Variants in DISC1 observed in about 807,000 individuals in gnomAD.
DISC1 encodes the protein disrupted in schizophrenia 1 protein.
In DISC1, 57 loss-of-function variants were observed where a neutral mutation model predicts 84.5. That is an observed-to-expected ratio of 0.67 (90% CI 0.55 to 0.84). The LOEUF (loss-of-function observed/expected upper bound fraction) is 0.84, where lower values mean the gene tolerates loss of function less well. DISC1 is among the 40% of genes least tolerant of loss of function. DISC1 has a pLI of 0.00. For missense variants in DISC1, 1,000 were observed against 1,057.8 expected (o/e 0.95, Z 0.76); for synonymous variants, 411 against 415.2 (o/e 0.99, Z 0.12).
intron 3 of DISC1, chr1:231,722,846 T>A: frequency 2.1e-6 from 3 of 1,416,574 alleles, no homozygotes; most frequent in Non-Finnish European, 2.8e-6. Flanking sequence ...GTTTCTCCCA[T>A]GCGTTTCCCA....
chr1:231,929,740 TAAC>T (rs889764981), intron 9 of DISC1, among the ~76,000 whole-genome samples: 1 of 152,206 alleles, frequency 6.6e-6, no homozygotes, highest in Non-Finnish European at 1.5e-5. Flanking sequence ...TTTGAAGGAT[TAAC>T]AACCAGATAG....
intron 9 of DISC1, among the ~76,000 whole-genome samples, chr1:231,858,001 T>C (rs1351586742): frequency 6.6e-6 from 1 of 152,204 alleles, no homozygotes; most frequent in Non-Finnish European, 1.5e-5. Context: ...CCGGGTTAAA[T>C]TGCAGCTGGG....
At position 231,693,901 on chromosome 1, in the gene DISC1, G is replaced by A. The variant is rs1422363253; in HGVS notation, c.143G>A (p.Ser48Asn). Residue 48 changes from serine to asparagine, a missense_variant, in exon 2 of 13, where the codon AGC (serine) becomes AAC (asparagine). This residue lies in a region of DISC1 where 292 missense variants were observed against 280.2 expected (regional missense o/e 1.04). Coordinates refer to ENST00000439617, the MANE Select transcript of DISC1 (RefSeq NM_018662.3). ...GCACGGAGGCCGGGCTACATGAGAA[G>A]CTCGACAGGGCCTGGGATCGGGTTC... ...RLARRPGYMR[S>N]STGPGIGFLS... 6.2e-7 allele frequency: 1 copy of A among 1,614,208 alleles called. No individual in the cohort carries two copies. Among genetic ancestry groups the A allele is most frequent in the East Asian group, 2.2e-5 (1 of 44,882 alleles).
chr1:231,636,761 A>G (rs1031255658), intron 1 of DISC1, among the ~76,000 whole-genome samples: 1 of 152,182 alleles, frequency 6.6e-6, no homozygotes, highest in African/African-American at 2.4e-5. Flanking sequence ...GTATGAATTT[A>G]TATTGACACT....
At chr1:231,851,320 T>C (rs2083881750) in intron 9 of DISC1, among the ~76,000 whole-genome samples, 2 of 152,208 alleles carry the variant, frequency 1.3e-5, no homozygotes, top group South Asian at 4.1e-4. Flanking sequence ...TTCGCCGCCT[T>C]TCTCTAACTC....
intron 12 of DISC1, among the ~76,000 whole-genome samples, chr1:232,028,357 A>G (rs2807578): frequency 0.55 from 83,318 of 151,932 alleles, 24,860 homozygotes; most frequent in African/African-American, 0.8. Flanking sequence ...AGGGTTCTGT[A>G]CTGGTCTCTT....
chr1:231,930,239 G>C (rs1056651001), intron 9 of DISC1, among the ~76,000 whole-genome samples: 20 of 152,214 alleles, frequency 1.3e-4, no homozygotes, highest in African/African-American at 4.8e-4. Context: ...GCAGATGAGA[G>C]ATGTGAGGTC....
At chr1:231,978,212 A>G (rs1195156078) in intron 10 of DISC1, among the ~76,000 whole-genome samples, 1 of 152,196 alleles carries the variant, frequency 6.6e-6, no homozygotes, top group East Asian at 1.9e-4. Context: ...GGGGAAGCCA[A>G]TGTCTGTTGT....
intron 9 of DISC1, among the ~76,000 whole-genome samples, chr1:231,870,036 A>G (rs2085345391): frequency 6.6e-6 from 1 of 152,208 alleles, no homozygotes; most frequent in Non-Finnish European, 1.5e-5. Context: ...AGCAGTGGTT[A>G]TAGGAGATCT....
chr1:231,789,514 A>G (rs569252027), intron 6 of DISC1, among the ~76,000 whole-genome samples: 2 of 152,332 alleles, frequency 1.3e-5, no homozygotes, highest in South Asian at 4.1e-4. Flanking sequence ...GGGTGAACGC[A>G]GAAGAACTGT....
intron 9 of DISC1, among the ~76,000 whole-genome samples, chr1:231,896,491 A>T (rs1190384376): frequency 6.6e-6 from 1 of 152,120 alleles, no homozygotes; most frequent in African/African-American, 2.4e-5. Context: ...TTCCCATTTC[A>T]GTTTATGCTT....
intron 9 of DISC1, among the ~76,000 whole-genome samples, chr1:231,878,464 A>G (rs531872770): frequency 6.6e-6 from 1 of 152,260 alleles, no homozygotes; most frequent in African/African-American, 2.4e-5. Context: ...GCTTCAAGGG[A>G]TGGAGAAAAG....
At chr1:231,700,189 T>A (rs1181492139) in intron 2 of DISC1, among the ~76,000 whole-genome samples, 5 of 152,158 alleles carry the variant, frequency 3.3e-5, no homozygotes, top group Non-Finnish European at 7.3e-5. Context: ...AAACTTACAG[T>A]TGACCCTTGA....
At chr1:232,035,862 G>C (rs202223018) in intron 12 of DISC1, among the ~76,000 whole-genome samples, 39 of 152,156 alleles carry the variant, frequency 2.6e-4, no homozygotes, top group Non-Finnish European at 4.6e-4. Flanking sequence ...TGAACACCCA[G>C]ACGAGAACCC....
intron 3 of DISC1, among the ~76,000 whole-genome samples, chr1:231,735,075 T>G (rs572103491): frequency 6.6e-6 from 1 of 152,300 alleles, no homozygotes; most frequent in African/African-American, 2.4e-5. Flanking sequence ...CAGCTCAAAT[T>G]TTGTAGCTGG....
intron 6 of DISC1, among the ~76,000 whole-genome samples, chr1:231,790,487 A>C (rs1252311515): frequency 6.8e-6 from 1 of 146,250 alleles, no homozygotes; most frequent in Admixed American, 6.8e-5. Flanking sequence ...TTCCCTCCAC[A>C]TGTGTCTGTC....
chr1:231,891,435 A>C (rs567557367), intron 9 of DISC1, among the ~76,000 whole-genome samples: 1 of 152,202 alleles, frequency 6.6e-6, no homozygotes, highest in South Asian at 2.1e-4. Context: ...ATCCTGTGTC[A>C]TGCCACGTGA....
chr1:232,033,641 A>G (rs1190803079), intron 12 of DISC1, among the ~76,000 whole-genome samples: 3 of 152,246 alleles, frequency 2.0e-5, no homozygotes, highest in Non-Finnish European at 4.4e-5. Flanking sequence ...TGCTGTGTCC[A>G]TAACATTTGT....
At chr1:231,704,906 A>C (rs112221537) in intron 3 of DISC1, among the ~76,000 whole-genome samples, 1 of 152,174 alleles carries the variant, frequency 6.6e-6, no homozygotes, top group Non-Finnish European at 1.5e-5. Flanking sequence ...CATATAAGAA[A>C]TCACAACAAC....
Sources: gnomAD v4.1 joint callset for allele counts (sites outside exome capture counted in the v4.1 genomes callset) on GRCh38, gnomAD v4.1.1 for gene constraint, gnomAD v4.1.1 regional missense constraint, MANE v1.5 for transcripts, NCBI Gene and HGNC (gene_info 2026-07-23, HGNC 2026-07-21) for gene names.